The following RPS6KA2 variants were observed in gnomAD, a reference collection of about 807,000 sequenced individuals.
RPS6KA2 encodes the protein ribosomal protein S6 kinase A2, also known as ribosomal protein S6 kinase alpha-2.
In RPS6KA2, 42 loss-of-function variants were observed where a neutral mutation model predicts 91.8. The observed-to-expected ratio is 0.46, with a 90% CI of 0.36 to 0.59. The LOEUF (loss-of-function observed/expected upper bound fraction) is 0.59. Ranked by LOEUF, RPS6KA2 falls within the 20% of genes least tolerant of loss-of-function variation. The pLI, the probability that RPS6KA2 is intolerant of heterozygous loss-of-function variation, is 0.00. For missense variants in RPS6KA2, 798 were observed against 978.5 expected, an observed-to-expected ratio of 0.82 and a Z score of 2.46; for synonymous variants, 414 against 393.6, an observed-to-expected ratio of 1.05 and a Z score of -0.61.
intron 2 of RPS6KA2, among the ~76,000 whole-genome samples, chr6:166,661,530 G>A (rs1237139062): frequency 2.0e-5 from 3 of 152,062 alleles, no homozygotes; most frequent in African/African-American, 2.4e-5. Flanking sequence ...TCCTATTGCA[G>A]AGTCAGCAAT....
At chr6:166,818,015 G>T (rs529697259) in intron 2 of RPS6KA2, among the ~76,000 whole-genome samples, 2 of 151,964 alleles carry the variant, frequency 1.3e-5, no homozygotes, top group African/African-American at 4.8e-5. Flanking sequence ...GAGCCACTGC[G>T]CCCGGCCCGG....
At chr6:166,805,328 G>C (rs1322965042) in intron 2 of RPS6KA2, among the ~76,000 whole-genome samples, 1 of 152,176 alleles carries the variant, frequency 6.6e-6, no homozygotes, top group African/African-American at 2.4e-5. Context: ...AGACAGAGAG[G>C]CTTGCTATCA....
intron 2 of RPS6KA2, among the ~76,000 whole-genome samples, chr6:166,841,280 C>A (rs1780471197): frequency 6.6e-6 from 1 of 152,094 alleles, no homozygotes; most frequent in Non-Finnish European, 1.5e-5. Context: ...AAAATAAAAA[C>A]CTGAATATCC....
At chr6:166,826,815 C>T (rs1297546883) in intron 2 of RPS6KA2, among the ~76,000 whole-genome samples, 1 of 152,134 alleles carries the variant, frequency 6.6e-6, no homozygotes, top group Admixed American at 6.5e-5. Context: ...GGGTACTCTT[C>T]ATGGGAAGAT....
chr6:166,704,375 T>C (rs1280448111), intron 2 of RPS6KA2, among the ~76,000 whole-genome samples: 1 of 152,232 alleles, frequency 6.6e-6, no homozygotes, highest in Non-Finnish European at 1.5e-5. Context: ...AAATGCAGCC[T>C]GGTTTGCTCC....
In RPS6KA2 at chr6:166,535,393, C is replaced by A. The variant is rs139290503; in HGVS notation, c.216+3275G>T. Reference sequence around the variant, plus strand: ...AGGGACTTTTGAGTAACAGCCACCCCCAAAAGGAAGACATTTAAAGACATG... The same window carrying A: ...AGGGACTTTTGAGTAACAGCCACCCACAAAAGGAAGACATTTAAAGACATG... On this transcript the variant is annotated intron_variant, in intron 2 of 20. Transcript: ENST00000265678. 3.2e-3 allele frequency among the ~76,000 whole-genome samples: 488 copies of A among 152,240 alleles called. 3 individuals carry two copies. Among genetic ancestry groups the A allele is most frequent in the African/African-American group, 0.011 (471 of 41,542 alleles).
chr6:166,815,737 GAAA>G (rs1779744424), intron 2 of RPS6KA2, among the ~76,000 whole-genome samples: 1 of 152,176 alleles, frequency 6.6e-6, no homozygotes, highest in Non-Finnish European at 1.5e-5. Flanking sequence ...ACAATAAAAG[GAAA>G]AATTTCAAAA....
At chr6:166,497,142 G>A (rs761435266) in intron 8 of RPS6KA2, among the ~76,000 whole-genome samples, 2 of 152,230 alleles carry the variant, frequency 1.3e-5, no homozygotes, top group Non-Finnish European at 2.9e-5. Flanking sequence ...AGGGGTGACC[G>A]TGGGGGACTT....
chr6:166,477,944 C>T (rs193016601), intron 10 of RPS6KA2, among the ~76,000 whole-genome samples: 1 of 152,352 alleles, frequency 6.6e-6, no homozygotes, highest in Admixed American at 6.5e-5. Context: ...GACTCCAAGA[C>T]AAAGCGCTTC....
intron 2 of RPS6KA2, among the ~76,000 whole-genome samples, chr6:166,640,410 A>T (rs554886718): frequency 1.3e-5 from 2 of 152,246 alleles, no homozygotes; most frequent in African/African-American, 4.8e-5. Context: ...AAAGCCAGAC[A>T]GGGGGAGCTG....
At chr6:166,796,021 C>A (rs1779213545) in intron 2 of RPS6KA2, among the ~76,000 whole-genome samples, 2 of 152,336 alleles carry the variant, frequency 1.3e-5, no homozygotes, top group South Asian at 4.1e-4. Flanking sequence ...TCAACAGATA[C>A]AGAAAGAAGC....
At chr6:166,832,800 T>C (rs1780219929) in intron 2 of RPS6KA2, among the ~76,000 whole-genome samples, 1 of 152,222 alleles carries the variant, frequency 6.6e-6, no homozygotes, top group Non-Finnish European at 1.5e-5. Context: ...TATTTAAATG[T>C]CATTTTATTA....
intron 1 of RPS6KA2, among the ~76,000 whole-genome samples, chr6:166,541,392 C>G (rs1783648734): frequency 6.6e-6 from 1 of 152,234 alleles, no homozygotes; most frequent in African/African-American, 2.4e-5. Context: ...TCTTCAGCAG[C>G]TCTTTGTGGA....
chr6:166,467,115 T>G (rs1259356336), intron 11 of RPS6KA2, among the ~76,000 whole-genome samples: 1 of 149,592 alleles, frequency 6.7e-6, no homozygotes, highest in Non-Finnish European at 1.5e-5. Flanking sequence ...CACTCCCTCA[T>G]TCACTCACTC....
chr6:166,546,790 G>T (rs1783842042), intron 1 of RPS6KA2, among the ~76,000 whole-genome samples: 1 of 152,124 alleles, frequency 6.6e-6, no homozygotes. Context: ...TGAATGTTTG[G>T]TCAATACCTC....
intron 2 of RPS6KA2, among the ~76,000 whole-genome samples, chr6:166,720,378 A>T (rs1790139516): frequency 6.6e-6 from 1 of 152,198 alleles, no homozygotes. Context: ...AAATGGAGAA[A>T]TATGTCACCT....
intron 17 of RPS6KA2, among the ~76,000 whole-genome samples, chr6:166,420,650 C>CT (rs1221623441): frequency 2.0e-5 from 3 of 152,344 alleles, no homozygotes; most frequent in African/African-American, 7.2e-5. Context: ...GAGGGACACT[C>CT]TCGTGGCTTC....
chr6:166,551,937 G>A lies in RPS6KA2; in HGVS notation c.100-13153C>T, dbSNP rs527592902. Among the ~76,000 whole-genome samples the A allele has an allele frequency of 3.8e-4, 58 of 152,312 alleles. 2 individuals are homozygous for A. The South Asian group carries it at 0.011, about 29-fold the overall frequency. On this transcript the variant is annotated intron_variant, in intron 1 of 20. Transcript: ENST00000265678. ...ACAGATAGGGTATTTCAAGTGAGGC[G>A]ACAAACTGAAGTCGTTGACACAGCA...
chr6:166,777,594 T>C (rs144679541), intron 2 of RPS6KA2, among the ~76,000 whole-genome samples: 1,682 of 152,268 alleles, frequency 0.011, 29 homozygotes, highest in African/African-American at 0.035. Flanking sequence ...GAAGTATTGT[T>C]AAAAGTTATA....
Sources: gnomAD v4.1 joint callset for allele counts (sites outside exome capture counted in the v4.1 genomes callset) on GRCh38, gnomAD v4.1.1 for gene constraint, MANE v1.5 for transcripts, NCBI Gene and HGNC (gene_info 2026-07-23, HGNC 2026-07-21) for gene names.